SPAG16: variants seen among roughly 807,000 people sequenced by gnomAD.
SPAG16 encodes the protein sperm associated antigen 16.
Under a neutral mutation model 80.4 loss-of-function variants are expected in SPAG16, and 86 were observed. The ratio of observed to expected loss-of-function variants is 1.07; its 90% CI spans 0.90 to 1.28. The LOEUF (loss-of-function observed/expected upper bound fraction) is 1.28, where lower values mean the gene tolerates loss of function less well. Ranked by LOEUF, SPAG16 falls within the 50% of genes most tolerant of loss-of-function variation. The probability of loss-of-function intolerance (pLI) is 0.00; values close to 1 mark genes in which losing one functional copy is unlikely to be tolerated. For synonymous variants in SPAG16, 294 were observed against 265.9 expected (o/e 1.11, Z -1.03); for missense variants, 870 against 765.3 (o/e 1.14, Z -1.61).
intron 10 of SPAG16, among the ~76,000 whole-genome samples, chr2:213,814,695 C>A (rs1037308440): frequency 6.6e-6 from 1 of 152,024 alleles, no homozygotes; most frequent in African/African-American, 2.4e-5. Flanking sequence ...GAGGCTGAGG[C>A]AGGAGAATTG....
At chr2:213,376,848 T>C (rs1395745016) in intron 9 of SPAG16, among the ~76,000 whole-genome samples, 1 of 152,194 alleles carries the variant, frequency 6.6e-6, no homozygotes, top group Non-Finnish European at 1.5e-5. Context: ...TTGCAGACAT[T>C]GCAAATTTAA....
intron 4 of SPAG16, 82 bp from the exon 5 acceptor site, chr2:213,317,137 C>G: frequency 1.2e-6 from 1 of 817,660 alleles, no homozygotes. Context: ...CTCCCTGAGA[C>G]TTAACTTTTT....
chr2:213,905,184 C>T (rs2077384562), intron 11 of SPAG16, among the ~76,000 whole-genome samples: 1 of 152,068 alleles, frequency 6.6e-6, no homozygotes, highest in East Asian at 1.9e-4. Flanking sequence ...ATGATTTTTA[C>T]AGTTTATTTT....
At chr2:214,044,445 A>G (rs977565822) in intron 13 of SPAG16, among the ~76,000 whole-genome samples, 3 of 152,180 alleles carry the variant, frequency 2.0e-5, no homozygotes, top group African/African-American at 7.2e-5. Flanking sequence ...GCTTTTAAGA[A>G]AGAAATGAAA....
At position 213,847,089 on chromosome 2, in the gene SPAG16, T is replaced by C. The variant is rs533963799; in HGVS notation, c.1071-15396T>C. On this transcript the variant is annotated intron_variant, in intron 10 of 15. Coordinates refer to ENST00000331683, the MANE Select transcript of SPAG16 (RefSeq NM_024532.5). ...ACATTCCTTCATCTTCAAAATAGGC[T>C]AGGCAGATTAAGTTTCCTCATGCTT... 9.1e-4 allele frequency among the ~76,000 whole-genome samples: 138 copies of C among 152,304 alleles called. 1 individual carries two copies. The highest frequency in any genetic ancestry group is 3.2e-3 in the African/African-American group (134 of 41,558).
At chr2:214,036,325 T>G (rs2048696401) in intron 13 of SPAG16, among the ~76,000 whole-genome samples, 1 of 152,192 alleles carries the variant, frequency 6.6e-6, no homozygotes, top group Admixed American at 6.5e-5. Context: ...CCTCTTGTAC[T>G]TTCCTTGGCT....
At chr2:214,336,708 A>G (rs1455531918) in intron 15 of SPAG16, among the ~76,000 whole-genome samples, 2 of 151,910 alleles carry the variant, frequency 1.3e-5, no homozygotes, top group Non-Finnish European at 2.9e-5. Context: ...GGTGAGAGTT[A>G]CAGTTTGAGT....
At chr2:213,537,227 G>T (rs2125904857) in intron 10 of SPAG16, among the ~76,000 whole-genome samples, 1 of 151,358 alleles carries the variant, frequency 6.6e-6, no homozygotes, top group Middle Eastern at 3.4e-3. Flanking sequence ...ACAAGTTAAT[G>T]GGTGCAGCAC....
chr2:213,414,963 C>T (rs1379874312), intron 9 of SPAG16, among the ~76,000 whole-genome samples: 1 of 152,184 alleles, frequency 6.6e-6, no homozygotes, highest in Non-Finnish European at 1.5e-5. Context: ...AAATGGAAAC[C>T]CATGATAAAA....
intron 10 of SPAG16, among the ~76,000 whole-genome samples, chr2:213,515,924 C>T (rs895703679): frequency 3.3e-5 from 5 of 152,078 alleles, no homozygotes; most frequent in African/African-American, 1.2e-4. Context: ...AGGAATTGCT[C>T]AATGATTCCT....
rs763025714 is a variant in SPAG16, at chr2:213,310,419, C to T, written c.398+242C>T. Among the ~76,000 whole-genome samples the T allele has an allele frequency of 5.2e-4, 78 of 150,452 alleles. 1 individual carries two copies. The highest frequency in any genetic ancestry group is 9.0e-4 in the Non-Finnish European group (61 of 67,622). On this transcript the variant is annotated intron_variant, in intron 4 of 15. Transcript: ENST00000331683. Reference sequence around the variant, plus strand: ...AAGACATTTTTATTAAACATCTTTCCCAAATATTTAAGTTTAAGTAATTTT... The same window carrying T: ...AAGACATTTTTATTAAACATCTTTCTCAAATATTTAAGTTTAAGTAATTTT...
chr2:214,153,004 T>G (rs2056050363), intron 15 of SPAG16, among the ~76,000 whole-genome samples: 1 of 152,054 alleles, frequency 6.6e-6, no homozygotes, highest in African/African-American at 2.4e-5. Context: ...AGGGAGATGG[T>G]TAGGCCTCCG....
At chr2:213,689,528 CTTTTTTTTT>C (rs397873153) in intron 10 of SPAG16, among the ~76,000 whole-genome samples, 3 of 54,240 alleles carry the variant, frequency 5.5e-5, no homozygotes, top group Admixed American at 4.8e-4. Context: ...AGTGCTGGGG[CTTTTTTTTT>C]TTTTTTTTTT....
intron 15 of SPAG16, among the ~76,000 whole-genome samples, chr2:214,205,536 A>G (rs1490553763): frequency 2.0e-5 from 3 of 152,216 alleles, no homozygotes; most frequent in Admixed American, 1.3e-4. Flanking sequence ...CACAGTCAGT[A>G]TTATACAAAA....
intron 9 of SPAG16, 34 bp downstream of exon 9, chr2:213,375,153 A>T (rs762079881): frequency 7.1e-7 from 1 of 1,409,828 alleles, no homozygotes. Context: ...ATTAAGTCAT[A>T]CTTAACTCTC....
At chr2:214,055,871 C>A (rs776749833) in intron 13 of SPAG16, among the ~76,000 whole-genome samples, 3 of 151,968 alleles carry the variant, frequency 2.0e-5, no homozygotes, top group Non-Finnish European at 4.4e-5. Flanking sequence ...GGGAAATAAC[C>A]ATGCAATCAT....
chr2:214,298,418 C>T (rs889176627), intron 15 of SPAG16, among the ~76,000 whole-genome samples: 5 of 152,138 alleles, frequency 3.3e-5, no homozygotes, highest in Middle Eastern at 3.4e-3. Flanking sequence ...ATTATCAGAA[C>T]GTAGAAACTG....
intron 15 of SPAG16, among the ~76,000 whole-genome samples, chr2:214,374,913 T>C (rs908004792): frequency 6.6e-6 from 1 of 152,200 alleles, no homozygotes; most frequent in Non-Finnish European, 1.5e-5. Context: ...CATGGAGATG[T>C]GGTCTGCATG....
chr2:213,605,593 G>C (rs538377583), intron 10 of SPAG16, among the ~76,000 whole-genome samples: 2 of 152,072 alleles, frequency 1.3e-5, no homozygotes, highest in Non-Finnish European at 2.9e-5. Context: ...GGGTTCAAGC[G>C]ATTCTCCTGC....
Sources: gnomAD v4.1 joint callset for allele counts (sites outside exome capture counted in the v4.1 genomes callset) on GRCh38, gnomAD v4.1.1 for gene constraint, MANE v1.5 for transcripts, NCBI Gene and HGNC (gene_info 2026-07-23, HGNC 2026-07-21) for gene names.